DAB1: variants seen among roughly 807,000 people sequenced by gnomAD.
DAB1 encodes disabled homolog 1.
Under a neutral mutation model 64.6 loss-of-function variants are expected in DAB1, and 15 were observed. The observed-to-expected ratio is 0.23, with a 90% CI of 0.16 to 0.36. The LOEUF (loss-of-function observed/expected upper bound fraction) is 0.36, where lower values mean the gene tolerates loss of function less well. Among genes scored for constraint, DAB1 ranks in the 10% least tolerant of loss-of-function variants. The pLI is 1.00. For missense variants in DAB1, 596 were observed against 706.7 expected, an observed-to-expected ratio of 0.84 and a Z score of 1.78; for synonymous variants, 235 against 251.9, an observed-to-expected ratio of 0.93 and a Z score of 0.64.
At chr1:57,662,936 T>C (rs1249010839) in intron 6 of DAB1, among the ~76,000 whole-genome samples, 1 of 152,228 alleles carries the variant, frequency 6.6e-6, no homozygotes, top group Non-Finnish European at 1.5e-5. Context: ...CTACCATGTT[T>C]GATACTGAAT....
chr1:57,762,995 A>G (rs1176377609), intron 6 of DAB1, among the ~76,000 whole-genome samples: 6 of 152,226 alleles, frequency 3.9e-5, no homozygotes. Flanking sequence ...AGGGGCTCAT[A>G]TGGTAGCAGA....
At chr1:57,678,916 G>A (rs1259111568) in intron 6 of DAB1, among the ~76,000 whole-genome samples, 2 of 138,282 alleles carry the variant, frequency 1.4e-5, no homozygotes, top group Non-Finnish European at 3.1e-5. Context: ...ACAAGCGCCT[G>A]CCACCATGCC....
At chr1:57,463,391 T>C (rs1262679136) in intron 7 of DAB1, among the ~76,000 whole-genome samples, 5 of 152,206 alleles carry the variant, frequency 3.3e-5, no homozygotes, top group Non-Finnish European at 5.9e-5. Flanking sequence ...CACAATATAA[T>C]AAGGATTTAC....
At chr1:58,468,628 C>G (rs968145015) in intron 3 of DAB1, 14 of 152,160 alleles carry the variant, frequency 9.2e-5, no homozygotes, top group African/African-American at 2.4e-4. Context: ...GCAGAGAGAG[C>G]CTTCAGACCA....
At chr1:57,820,960 T>G (rs1255471583) in intron 6 of DAB1, among the ~76,000 whole-genome samples, 1 of 152,172 alleles carries the variant, frequency 6.6e-6, no homozygotes, top group Non-Finnish European at 1.5e-5. Flanking sequence ...TCTGCTCGAG[T>G]TAAGTACTTT....
intron 2 of DAB1, among the ~76,000 whole-genome samples, chr1:57,161,864 A>AG (rs1491470521): frequency 6.6e-6 from 1 of 152,096 alleles, no homozygotes; most frequent in Non-Finnish European, 1.5e-5. Flanking sequence ...AAAAAAAAAA[A>AG]AGTTCATACT....
At chr1:58,522,209 G>A (rs1044595521) in intron 2 of DAB1, among the ~76,000 whole-genome samples, 3 of 152,134 alleles carry the variant, frequency 2.0e-5, no homozygotes, top group African/African-American at 7.2e-5. Flanking sequence ...ATAGCTAATG[G>A]ATGCTGGGCT....
chr1:57,351,660 A>G (rs1293369462), intron 1 of DAB1, among the ~76,000 whole-genome samples: 2 of 152,126 alleles, frequency 1.3e-5, no homozygotes, highest in Non-Finnish European at 2.9e-5. Context: ...AACATTACAC[A>G]CACAAGCATG....
chr1:57,054,354 A>G (rs1265703524), intron 9 of DAB1, among the ~76,000 whole-genome samples: 1 of 151,964 alleles, frequency 6.6e-6, no homozygotes, highest in Non-Finnish European at 1.5e-5. Context: ...CTCTGCTTGC[A>G]TTCCCACTGT....
intron 2 of DAB1, among the ~76,000 whole-genome samples, chr1:57,157,992 C>T (rs548909448): frequency 8.3e-4 from 126 of 152,304 alleles, no homozygotes; most frequent in African/African-American, 2.9e-3. Context: ...CTGCCTAACC[C>T]TTTGAGGTCG....
At chr1:57,619,402 T>C (rs1358377673) in intron 7 of DAB1, among the ~76,000 whole-genome samples, 1 of 152,138 alleles carries the variant, frequency 6.6e-6, no homozygotes, top group Non-Finnish European at 1.5e-5. Flanking sequence ...AAGTCATCTA[T>C]TTATTTTTTA....
At chr1:57,568,854 G>A (rs1411596162) in intron 7 of DAB1, among the ~76,000 whole-genome samples, 2 of 152,166 alleles carry the variant, frequency 1.3e-5, no homozygotes, top group South Asian at 2.1e-4. Flanking sequence ...TTCAACCATT[G>A]TGGAAGTCAG....
intron 7 of DAB1, among the ~76,000 whole-genome samples, chr1:57,478,905 C>T (rs2101231424): frequency 6.6e-6 from 1 of 151,960 alleles, no homozygotes; most frequent in East Asian, 1.9e-4. Context: ...CGGCCCGGTT[C>T]CCATTCTTTT....
intron 3 of DAB1, among the ~76,000 whole-genome samples, chr1:58,423,739 G>A (rs924891279): frequency 2.6e-5 from 4 of 152,164 alleles, no homozygotes; most frequent in Non-Finnish European, 5.9e-5. Context: ...TTCTTCGTGG[G>A]CTCCAGTAAC....
chr1:57,654,763 C>T (rs1215160889), intron 6 of DAB1, among the ~76,000 whole-genome samples: 2 of 151,904 alleles, frequency 1.3e-5, no homozygotes, highest in East Asian at 1.9e-4. Context: ...TTTTATCTTA[C>T]GTTTCCACTT....
chr1:58,345,134 T>C (rs1029361514), intron 3 of DAB1, among the ~76,000 whole-genome samples: 4 of 152,182 alleles, frequency 2.6e-5, no homozygotes, highest in East Asian at 1.9e-4. Context: ...AAGACTTTCA[T>C]TGTTTTTCAT....
intron 1 of DAB1, among the ~76,000 whole-genome samples, chr1:57,329,912 T>C (rs546289527): frequency 6.6e-6 from 1 of 152,352 alleles, no homozygotes; most frequent in East Asian, 1.9e-4. Flanking sequence ...TGATATTCAT[T>C]AACCCATCAA....
intron 5 of DAB1, among the ~76,000 whole-genome samples, chr1:58,059,251 C>A (rs537240499): frequency 2.6e-5 from 4 of 152,334 alleles, no homozygotes; most frequent in Non-Finnish European, 4.4e-5. Context: ...AGCCAGGCAG[C>A]CTGAGTTGAA....
At chr1:57,062,101 AG>A (rs1650457392) in intron 9 of DAB1, among the ~76,000 whole-genome samples, 1 of 152,100 alleles carries the variant, frequency 6.6e-6, no homozygotes, top group South Asian at 2.1e-4. Flanking sequence ...CCTAAATATG[AG>A]TTCCGGGCAC....
Sources: allele counts gnomAD v4.1 joint callset (sites outside exome capture counted in the v4.1 genomes callset), GRCh38; gene constraint gnomAD v4.1.1; transcripts MANE v1.5; gene names NCBI Gene and HGNC (gene_info 2026-07-23, HGNC 2026-07-21).